Variants in ATG4C observed in about 807,000 individuals in gnomAD.
ATG4C encodes autophagy related 4C cysteine peptidase.
Under a neutral mutation model 57.6 loss-of-function variants are expected in ATG4C, and 56 were observed. The observed-to-expected ratio is 0.97, with a 90% CI of 0.78 to 1.21. The LOEUF (loss-of-function observed/expected upper bound fraction) is 1.21. ATG4C is among the 50% of genes most tolerant of loss of function. The pLI is 0.00. For synonymous variants in ATG4C, 157 were observed against 174.1 expected (o/e 0.90, Z 0.78); for missense variants, 595 against 529.8 (o/e 1.12, Z -1.21).
At chr1:62,845,070 C>T (rs1165325253) in intron 10 of ATG4C, among the ~76,000 whole-genome samples, 2 of 151,764 alleles carry the variant, frequency 1.3e-5, no homozygotes, top group African/African-American at 4.8e-5. Context: ...TATTCTTGTA[C>T]ATATCTCTTT....
At chr1:62,824,943 A>G (rs892158989) in intron 6 of ATG4C, among the ~76,000 whole-genome samples, 2 of 152,106 alleles carry the variant, frequency 1.3e-5, no homozygotes, top group Non-Finnish European at 2.9e-5. Flanking sequence ...TGCTGGGATT[A>G]TAAGTGTGAG....
chr1:62,789,877 G>C (rs1258864679), intron 1 of ATG4C, among the ~76,000 whole-genome samples: 1 of 151,970 alleles, frequency 6.6e-6, no homozygotes, highest in Admixed American at 6.6e-5. Context: ...TGCTACTGGG[G>C]TGTCATTGGT....
intron 9 of ATG4C, 80 bp from the exon 10 acceptor site, chr1:62,841,348 A>T: frequency 8.1e-7 from 1 of 1,235,042 alleles, no homozygotes; most frequent in South Asian, 1.5e-5. Context: ...AAAAAGCTAG[A>T]TAGAAAATTT....
At chr1:62,809,370 T>G (rs544167537) in intron 3 of ATG4C, among the ~76,000 whole-genome samples, 39 of 148,626 alleles carry the variant, frequency 2.6e-4, no homozygotes, top group African/African-American at 8.8e-4. Context: ...AATAAATATA[T>G]GTACATTATA....
intron 1 of ATG4C, among the ~76,000 whole-genome samples, chr1:62,802,345 A>G (rs1455209960): frequency 6.6e-6 from 1 of 152,150 alleles, no homozygotes; most frequent in Non-Finnish European, 1.5e-5. Flanking sequence ...GAAATTTTCC[A>G]GGATCTGTAA....
chr1:62,844,840 T>C (rs1666280760), intron 10 of ATG4C, among the ~76,000 whole-genome samples: 1 of 152,078 alleles, frequency 6.6e-6, no homozygotes, highest in African/African-American at 2.4e-5. Context: ...TAAAGAGATA[T>C]ATATTCATCT....
intron 9 of ATG4C, among the ~76,000 whole-genome samples, chr1:62,837,363 A>T (rs1666029410): frequency 6.6e-6 from 1 of 152,138 alleles, no homozygotes. Context: ...AATGGAGCAC[A>T]TGGTTCAGTG....
intron 1 of ATG4C, among the ~76,000 whole-genome samples, chr1:62,802,250 C>T (rs1458308113): frequency 6.6e-6 from 1 of 151,936 alleles, no homozygotes; most frequent in Non-Finnish European, 1.5e-5. Context: ...TCCATTTCTC[C>T]ATCTTCACTG....
chr1:62,803,874 G>C lies in ATG4C; in HGVS notation c.76+12G>C. On this transcript the variant is annotated intron_variant, in intron 2 of 10. Transcript: ENST00000317868. ...CAACATGAAATATAGTAAGTATCAT[G>C]TTTTAAAAATTGTATAAATCCAAAG... 1 of 1,494,126 alleles carries C rather than the reference G, an allele frequency of 6.7e-7. No homozygotes were observed. The highest frequency in any genetic ancestry group is 9.2e-7 in the Non-Finnish European group (1 of 1,090,048). The allele number at this position is 1,494,126 out of a possible 1,614,324, so 92.6% of individuals were successfully genotyped here.
In ATG4C at chr1:62,864,816, A is replaced by C. The variant is rs1666957495; in HGVS notation, c.*657A>C. On this transcript the variant is annotated 3_prime_UTR_variant, in exon 11 of 11. Transcript: ENST00000317868. ...TCACAAATTTAAAGATTATGTTATT[A>C]ATACTATTATAACTGCATCAATCAA... 6.6e-6 allele frequency: 1 copy of C among 151,958 alleles called. No individual in the cohort carries two copies. The highest frequency in any genetic ancestry group is 2.4e-5 in the African/African-American group (1 of 41,428). 9.4% of individuals were successfully genotyped at this position (151,958 alleles called of 1,614,324 possible). A position where few individuals can be genotyped will look rare whatever the true frequency, so the allele number is the denominator to read the frequency against.
rs1292842130 is a variant in ATG4C at position 62,819,143 on chromosome 1, T to C, written c.533T>C (p.Leu178Pro). The change falls in exon 5 of 11, where the codon CTG becomes CCG. Residue 178 changes from leucine to proline, a missense_variant. Coordinates refer to ENST00000317868, the MANE Select transcript of ATG4C (RefSeq NM_032852.4). ...GAATTCAAAACCCCAACAATTTCTCTGAAGGAAACAATTGGGAAATATTCT... is the reference window on the plus strand; with the variant it reads ...GAATTCAAAACCCCAACAATTTCTCCGAAGGAAACAATTGGGAAATATTCT... ...EREFKTPTIS[L>P]KETIGKYSDD... 6 of 1,613,270 alleles carry C rather than the reference T, an allele frequency of 3.7e-6. No homozygotes were observed. In the South Asian group the frequency reaches 5.5e-5, roughly 15 times the overall value.
chr1:62,830,526 A>G (rs753784377), intron 7 of ATG4C, among the ~76,000 whole-genome samples: 2 of 152,174 alleles, frequency 1.3e-5, no homozygotes, highest in African/African-American at 2.4e-5. Flanking sequence ...GGACTTTGCT[A>G]TTTGGTGGTA....
At position 62,819,315 on chromosome 1, in the gene ATG4C, T is replaced by G. The variant is rs756893631; in HGVS notation, c.705T>G (p.Ala235=). The G allele has an allele frequency of 1.3e-6, 2 of 1,590,058 alleles. No individual in the cohort carries two copies. The highest frequency in any genetic ancestry group is 1.7e-6 in the Non-Finnish European group (2 of 1,172,108). The change falls in exon 5 of 11, where the codon GCT becomes GCG. Residue 235 remains alanine, a synonymous_variant. Coordinates refer to ENST00000317868, the MANE Select transcript of ATG4C (RefSeq NM_032852.4). ...AAGCAGGAGATTGGTATGGACCAGCTGTGGTTGCTCACATTTTAAGGTAAA... is the reference window on the plus strand; with the variant it reads ...AAGCAGGAGATTGGTATGGACCAGCGGTGGTTGCTCACATTTTAAGGTAAA... ...GKKAGDWYGP[A]VVAHILRKAV... is the part of the protein sequence containing the mutation.
chr1:62,833,302 A>G (rs1473788798), intron 7 of ATG4C, among the ~76,000 whole-genome samples: 1 of 152,118 alleles, frequency 6.6e-6, no homozygotes, highest in African/African-American at 2.4e-5. Flanking sequence ...TTAAGACATT[A>G]ATTGATTCCA....
At chr1:62,852,522 C>G (rs1666547692) in intron 10 of ATG4C, among the ~76,000 whole-genome samples, 1 of 152,170 alleles carries the variant, frequency 6.6e-6, no homozygotes, top group Non-Finnish European at 1.5e-5. Context: ...GGATTTAACT[C>G]TCTTCCCATA....
At chr1:62,814,273 T>G (rs545674188) in intron 3 of ATG4C, among the ~76,000 whole-genome samples, 25 of 152,214 alleles carry the variant, frequency 1.6e-4, no homozygotes, top group African/African-American at 6.0e-4. Flanking sequence ...CCATAACAAA[T>G]GATAAGTTCA....
At chr1:62,788,106 G>C (rs2100272836) in intron 1 of ATG4C, among the ~76,000 whole-genome samples, 1 of 152,266 alleles carries the variant, frequency 6.6e-6, no homozygotes, top group South Asian at 2.1e-4. Flanking sequence ...ATGGTGATTA[G>C]TTTGTGATTA....
Position 62,819,348 on chromosome 1 carries a change from T to A in ATG4C, c.725+13T>A. The A allele has an allele frequency of 6.4e-7, 1 of 1,558,722 alleles. No individual in the cohort carries two copies. Among genetic ancestry groups the A allele is most frequent in the Non-Finnish European group, 8.6e-7 (1 of 1,158,168 alleles). ...CTCACATTTTAAGGTAAAATTGTTTTAAAATCTTTCTTCTTGTGACAGAGG... is the reference window on the plus strand; with the variant it reads ...CTCACATTTTAAGGTAAAATTGTTTAAAAATCTTTCTTCTTGTGACAGAGG... On this transcript the variant is annotated intron_variant, in intron 5 of 10. Transcript: ENST00000317868.
At chr1:62,811,982 A>C (rs1285010141) in intron 3 of ATG4C, among the ~76,000 whole-genome samples, 1 of 152,028 alleles carries the variant, frequency 6.6e-6, no homozygotes, top group Non-Finnish European at 1.5e-5. Context: ...ACATTAAGTG[A>C]GGACTAACTG....
Sources: gnomAD v4.1 joint callset for allele counts (sites outside exome capture counted in the v4.1 genomes callset) on GRCh38, gnomAD v4.1.1 for gene constraint, MANE v1.5 for transcripts, NCBI Gene and HGNC (gene_info 2026-07-23, HGNC 2026-07-21) for gene names.